Variants in FARS2 observed in about 807,000 individuals in gnomAD.
FARS2 encodes phenylalanine--tRNA ligase, mitochondrial.
In FARS2, 40 loss-of-function variants were observed where a neutral mutation model predicts 46.4. That is an observed-to-expected ratio of 0.86 (90% CI 0.67 to 1.12). The LOEUF (loss-of-function observed/expected upper bound fraction) is 1.12, where lower values mean the gene tolerates loss of function less well. FARS2 is among the 50% of genes most tolerant of loss of function. The pLI, the probability that FARS2 is intolerant of heterozygous loss-of-function variation, is 0.00. For synonymous variants in FARS2, 234 were observed against 214.9 expected, an observed-to-expected ratio of 1.09 and a Z score of -0.78; for missense variants, 513 against 567.9, an observed-to-expected ratio of 0.90 and a Z score of 0.98.
intron 4 of FARS2, among the ~76,000 whole-genome samples, chr6:5,478,086 A>G (rs1036539715): frequency 2.6e-5 from 1 of 38,762 alleles, no homozygotes; most frequent in Non-Finnish European, 4.1e-5. Context: ...CACACATACA[A>G]TAAAACACTT....
chr6:5,251,450 G>C, the FARS2 span, among the ~76,000 whole-genome samples: 2 of 152,228 alleles, frequency 1.3e-5, no homozygotes, highest in South Asian at 4.1e-4. Flanking sequence ...TCAGCTTTTG[G>C]GGAGGCCTCA....
intron 6 of FARS2, among the ~76,000 whole-genome samples, chr6:5,702,908 G>C (rs1421523095): frequency 3.3e-5 from 5 of 152,124 alleles, no homozygotes; most frequent in Admixed American, 3.3e-4. Context: ...GGATGTCACT[G>C]TGTTCACCCT....
At chr6:5,618,607 A>T (rs1025240593) in intron 6 of FARS2, among the ~76,000 whole-genome samples, 1 of 152,190 alleles carries the variant, frequency 6.6e-6, no homozygotes, top group African/African-American at 2.4e-5. Flanking sequence ...AGACAAATGG[A>T]GAAATTTTTT....
intron 6 of FARS2, among the ~76,000 whole-genome samples, chr6:5,633,613 T>A (rs1561767005): frequency 1.3e-5 from 2 of 152,132 alleles, no homozygotes; most frequent in African/African-American, 4.8e-5. Flanking sequence ...CTAGTCTTTT[T>A]AAAAAATGTA....
intron 4 of FARS2, among the ~76,000 whole-genome samples, chr6:5,459,388 T>G (rs1765102390): frequency 6.6e-6 from 1 of 152,064 alleles, no homozygotes; most frequent in Non-Finnish European, 1.5e-5. Flanking sequence ...ATTTTTTTTT[T>G]GACCCTAGTA....
intron 4 of FARS2, among the ~76,000 whole-genome samples, chr6:5,447,871 G>A (rs548707098): frequency 7.3e-4 from 111 of 152,336 alleles, no homozygotes; most frequent in Non-Finnish European, 2.2e-4. Flanking sequence ...AGCCCCATAA[G>A]CAGATATGGT....
intron 1 of FARS2, chr6:5,272,523 T>C (rs1766033488): frequency 6.6e-6 from 1 of 152,132 alleles, no homozygotes; most frequent in African/African-American, 2.4e-5. Flanking sequence ...TTCTTTTATT[T>C]ATTTATTTTT....
intron 4 of FARS2, among the ~76,000 whole-genome samples, chr6:5,539,406 A>ATTTTTTTTT (rs1554106834): frequency 1.4e-5 from 2 of 144,878 alleles, no homozygotes; most frequent in African/African-American, 5.2e-5. Context: ...ATATGTATAT[A>ATTTTTTTTT]TTTTTTTAGT....
chr6:5,740,175 A>C (rs987719229), intron 6 of FARS2, among the ~76,000 whole-genome samples: 5 of 152,180 alleles, frequency 3.3e-5, no homozygotes, highest in Non-Finnish European at 7.3e-5. Flanking sequence ...GGACACTGGA[A>C]GTCTAGAGTA....
At chr6:5,711,194 A>G (rs1450441833) in intron 6 of FARS2, among the ~76,000 whole-genome samples, 1 of 152,238 alleles carries the variant, frequency 6.6e-6, no homozygotes, top group Non-Finnish European at 1.5e-5. Context: ...AGACTGGAAC[A>G]CGTAAGAAGC....
chr6:5,310,380 T>C (rs1469356248), intron 1 of FARS2, among the ~76,000 whole-genome samples: 6 of 151,700 alleles, frequency 4.0e-5, no homozygotes, highest in African/African-American at 1.5e-4. Context: ...AATTGTTAGA[T>C]TTCCTTATAT....
chr6:5,570,134 T>C (rs1772557084), intron 5 of FARS2, among the ~76,000 whole-genome samples: 1 of 152,230 alleles, frequency 6.6e-6, no homozygotes, highest in Non-Finnish European at 1.5e-5. Flanking sequence ...TTCTCCCAAA[T>C]GTTTCTGTCT....
chr6:5,423,573 C>G (rs902871951), intron 3 of FARS2, among the ~76,000 whole-genome samples: 2 of 151,984 alleles, frequency 1.3e-5, no homozygotes, highest in African/African-American at 4.8e-5. Context: ...TATTTTTCCC[C>G]TATTGCTTTG....
At chr6:5,643,877 G>C (rs1776945943) in intron 6 of FARS2, among the ~76,000 whole-genome samples, 1 of 152,188 alleles carries the variant, frequency 6.6e-6, no homozygotes, top group Admixed American at 6.5e-5. Context: ...TCAAGTGTGT[G>C]GCAGACTTAT....
intron 4 of FARS2, among the ~76,000 whole-genome samples, chr6:5,459,234 C>T: frequency 6.6e-6 from 1 of 152,134 alleles, no homozygotes; most frequent in Non-Finnish European, 1.5e-5. Flanking sequence ...TTGGATACAT[C>T]AGAAACAAAT....
At chr6:5,458,560 A>C (rs1260674995) in intron 4 of FARS2, among the ~76,000 whole-genome samples, 2 of 152,164 alleles carry the variant, frequency 1.3e-5, no homozygotes, top group East Asian at 3.9e-4. Flanking sequence ...CTTGTTTCCC[A>C]CATAGAGATC....
At chr6:5,422,110 A>C (rs1762582818) in intron 3 of FARS2, among the ~76,000 whole-genome samples, 1 of 152,202 alleles carries the variant, frequency 6.6e-6, no homozygotes, top group African/African-American at 2.4e-5. Context: ...CAGAAGGTGA[A>C]AGGCCCATCT....
At chr6:5,751,156 G>A (rs1266018973) in intron 6 of FARS2, among the ~76,000 whole-genome samples, 9 of 152,024 alleles carry the variant, frequency 5.9e-5, no homozygotes, top group Admixed American at 5.2e-4. Context: ...ACTCTCCCTC[G>A]AGTGATTTTA....
At chr6:5,392,545 C>T (rs2127693680) in intron 2 of FARS2, among the ~76,000 whole-genome samples, 1 of 152,002 alleles carries the variant, frequency 6.6e-6, no homozygotes, top group East Asian at 1.9e-4. Context: ...TTTTTCTATA[C>T]ACATTGAAAG....
Sources: allele counts gnomAD v4.1 joint callset (sites outside exome capture counted in the v4.1 genomes callset), GRCh38; gene constraint gnomAD v4.1.1; transcripts MANE v1.5; gene names NCBI Gene and HGNC (gene_info 2026-07-23, HGNC 2026-07-21).